Variants in MLH3 observed in about 807,000 individuals in gnomAD.
The protein encoded by MLH3 is mutL homolog 3, also known as DNA mismatch repair protein Mlh3.
MLH3 carries 82 observed loss-of-function variants against 122.2 expected under a neutral mutation model. That is an observed-to-expected ratio of 0.67 (90% CI 0.56 to 0.81). The LOEUF (loss-of-function observed/expected upper bound fraction) is 0.81. Ranked by LOEUF, MLH3 falls within the 30% of genes least tolerant of loss-of-function variation. The pLI is 0.00. For synonymous variants in MLH3, 524 were observed against 599.5 expected (o/e 0.87, Z 1.84); for missense variants, 1,539 against 1,714.5 (o/e 0.90, Z 1.81).
chr14:75,039,767 CA>C, intron 5 of MLH3, 143 bp downstream of exon 5: 2 of 238,586 alleles, frequency 8.4e-6, no homozygotes, highest in Non-Finnish European at 1.5e-5. Context: ...AGAACACACA[CA>C]CACACACACA....
In MLH3 at chr14:75,015,104, TTAA is replaced by T. The variant is rs1248137335; in HGVS notation, c.*1975_*1977del. Reference sequence around the variant, plus strand: ...TAAACCTTAAAGCACAATATAGGTATTAATGATTACTATTATAAATTACATGTA... The same window carrying T: ...TAAACCTTAAAGCACAATATAGGTATTGATTACTATTATAAATTACATGTA... On this transcript the variant is annotated 3_prime_UTR_variant, in exon 13 of 13. Transcript: ENST00000355774. The T allele has an allele frequency of 5.7e-6, 1 of 174,592 alleles. No individual in the cohort carries two copies. The highest frequency in any genetic ancestry group is 1.2e-5 in the Non-Finnish European group (1 of 80,814). The allele number at this position is 174,592 out of a possible 1,614,324, so 10.8% of individuals were successfully genotyped here.
chr14:75,041,741 A>C, intron 3 of MLH3, 41 bp from the exon 4 acceptor site: 1 of 1,437,594 alleles, frequency 7.0e-7, no homozygotes, highest in Non-Finnish European at 9.8e-7. Context: ...ATCCAGAACC[A>C]CAGGGAAAGG....
Position 75,030,589 on chromosome 14 carries a change from T to A in MLH3, c.3941A>T (p.Asn1314Ile). 1 of 1,614,152 alleles carries A rather than the reference T, an allele frequency of 6.2e-7. No homozygotes were observed. Among genetic ancestry groups the A allele is most frequent in the Non-Finnish European group, 8.5e-7 (1 of 1,179,992 alleles). Residue 1314 changes from asparagine to isoleucine, a missense_variant, in exon 9 of 13, where the codon AAT becomes ATT. Transcript: ENST00000355774. Reference protein sequence around the residue: ...VPLCFVEREANELRRGRSTVT... With the variant: ...VPLCFVEREAIELRRGRSTVT... ...AGTAGATCTTCCTCTCCGAAGTTCA[T>A]TGGCTTCTCTTTCCACAAAACATAG... is the stretch of plus-strand genomic sequence containing the variant.
At chr14:75,025,986 T>C (rs558008092) in intron 9 of MLH3, among the ~76,000 whole-genome samples, 1 of 152,294 alleles carries the variant, frequency 6.6e-6, no homozygotes, top group African/African-American at 2.4e-5. Context: ...TCCCAAATTC[T>C]GTCTCAGATA....
Position 75,046,825 on chromosome 14 carries a change from T to A in MLH3, c.2831A>T (p.Asp944Val). The A allele has an allele frequency of 6.2e-7, 1 of 1,614,156 alleles. No individual in the cohort carries two copies. Among genetic ancestry groups the A allele is most frequent in the Non-Finnish European group, 8.5e-7 (1 of 1,180,024 alleles). Residue 944 changes from aspartate (D) to valine (V), a missense_variant, in exon 2 of 13, where the codon GAT becomes GTT. By Grantham distance (152) the Asp-to-Val change is radical. Transcript: ENST00000355774. ...VIPTSDSATQ[D>V]NSFNKNSKTH... ...TTTACTATTTTTATTAAAGGAATTA[T>A]CCTGTGTGGCAGAATCTGATGTTGG...
Position 75,048,196 on chromosome 14 carries a change from T to C in MLH3, c.1460A>G (p.His487Arg), listed in dbSNP as rs372854695. Residue 487 changes from histidine to arginine, a missense_variant, in exon 2 of 13, where the codon CAT becomes CGT. Physicochemically the swap from His to Arg is conservative, Grantham distance 29 (BLOSUM62 0). Transcript: ENST00000355774. ...VASEAGENEK[H>R]KKSFLEHSSL... The stretch of plus-strand genomic sequence containing the variant: ...GCTATGTTCCAGGAAAGATTTTTTA[T>C]GTTTCTCATTTTCTCCAGCTTCTGA... 6.2e-7 allele frequency: 1 copy of C among 1,613,622 alleles called. No homozygotes were observed. The highest frequency in any genetic ancestry group is 1.3e-5 in the African/African-American group (1 of 74,876).
At chr14:75,044,859 T>C (rs538550240) in intron 2 of MLH3, among the ~76,000 whole-genome samples, 53 of 152,336 alleles carry the variant, frequency 3.5e-4, no homozygotes, top group Non-Finnish European at 6.2e-4. Context: ...TAAATACGGA[T>C]ACAGATGTAA....
Position 75,047,064 on chromosome 14 carries a change from C to A in MLH3, c.2592G>T (p.Leu864Phe), listed in dbSNP as rs1555345136. The change falls in exon 2 of 13, where the codon TTG (leucine) becomes TTT (phenylalanine). Residue 864 changes from leucine (L) to phenylalanine (F), a missense_variant. Coordinates refer to ENST00000355774, the MANE Select transcript of MLH3 (RefSeq NM_001040108.2). ...GTGATTCAGATGACTTCTCAAGGTCCAAAGGTTTTCTATTAAAGAGAGATA... is the reference window on the plus strand; with the variant it reads ...GTGATTCAGATGACTTCTCAAGGTCAAAAGGTTTTCTATTAAAGAGAGATA... ...KELSLFNRKP[L>F]DLEKSSESLA... The A allele has an allele frequency of 1.2e-6, 2 of 1,613,972 alleles. No individual in the cohort carries two copies. The highest frequency in any genetic ancestry group is 1.7e-6 in the Non-Finnish European group (2 of 1,179,994).
intron 6 of MLH3, among the ~76,000 whole-genome samples, chr14:75,035,350 C>A (rs150556010): frequency 2.0e-5 from 3 of 151,798 alleles, no homozygotes; most frequent in African/African-American, 7.2e-5. Flanking sequence ...GGAGAAACCC[C>A]GTCTCTACTA....
chr14:75,035,292 C>T lies in MLH3; in HGVS notation c.3644-1802G>A, dbSNP rs560284399. ...ATCCCAGCACTTTGGGAGGCCAAGG[C>T]GGGCGGATCACCTGAGATCAGGAGT... On this transcript the variant is annotated intron_variant, in intron 6 of 12. Transcript: ENST00000355774. Among the ~76,000 whole-genome samples the T allele has an allele frequency of 1.1e-3, 170 of 151,954 alleles. 1 individual carries two copies. The highest frequency in any genetic ancestry group is 2.4e-3 in the African/African-American group (101 of 41,460).
rs1360846783 is a variant in MLH3 at position 75,047,385 on chromosome 14, A to C, written c.2271T>G (p.Phe757Leu). ...TTTCAACCTTCCCATATTGCCTCTT[A>C]AACTTCTCTAAAGATCCTAGCTGTG... ...LSSQLGSLEK[F>L]KRQYGKVENP... The change falls in exon 2 of 13, where the codon TTT becomes TTG. Residue 757 changes from phenylalanine (F) to leucine (L), a missense_variant. Phe to Leu is a conservative substitution (Grantham distance 22). Coordinates refer to ENST00000355774, the MANE Select transcript of MLH3 (RefSeq NM_001040108.2). 6.2e-7 allele frequency: 1 copy of C among 1,613,984 alleles called. No homozygotes were observed. The highest frequency in any genetic ancestry group is 1.7e-5 in the Admixed American group (1 of 59,996).
chr14:75,032,417 C>T (rs1029986084), intron 7 of MLH3, among the ~76,000 whole-genome samples: 9 of 152,160 alleles, frequency 5.9e-5, no homozygotes, highest in Non-Finnish European at 1.2e-4. Context: ...TTCAGATGAA[C>T]AAGCCAATGT....
In MLH3 at chr14:75,016,834, A is replaced by G. The variant is rs1595018195; in HGVS notation, c.*248T>C. On this transcript the variant is annotated 3_prime_UTR_variant, in exon 13 of 13. Coordinates refer to ENST00000355774, the MANE Select transcript of MLH3 (RefSeq NM_001040108.2). The stretch of plus-strand genomic sequence containing the variant: ...AAATAAGTAGCAAAAGGTAGATACT[A>G]TATAGCAACCTTCTGTGCCCATGGA... 1 of 494,154 alleles carries G rather than the reference A, an allele frequency of 2.0e-6. No individual in the cohort carries two copies. Among genetic ancestry groups the G allele is most frequent in the East Asian group, 3.7e-5 (1 of 27,070 alleles). The allele number at this position is 494,154 out of a possible 1,614,324, so 30.6% of individuals were successfully genotyped here.
At chr14:75,032,211 A>G (rs1166078927) in intron 7 of MLH3, 32 bp from the exon 8 acceptor site, 1 of 1,241,764 alleles carries the variant, frequency 8.1e-7, no homozygotes, top group Admixed American at 1.7e-5. Flanking sequence ...GGTTAAGAGT[A>G]GGAAGGGAAG....
intron 2 of MLH3, among the ~76,000 whole-genome samples, chr14:75,045,829 C>T (rs1312048009): frequency 6.6e-6 from 1 of 151,936 alleles, no homozygotes; most frequent in African/African-American, 2.4e-5. Context: ...ATACACACAC[C>T]CATAGACACA....
chr14:75,051,441 T>C lies in MLH3; in HGVS notation c.-125A>G, dbSNP rs980041086. On this transcript the variant is annotated 5_prime_UTR_variant, in exon 1 of 13. Coordinates refer to ENST00000355774, the MANE Select transcript of MLH3 (RefSeq NM_001040108.2). ...GCCTCGGACGCCGACGCGCGCACCT[T>C]GGATCTTGAGGCTCGTGCGTGCCCA... The C allele has an allele frequency of 2.6e-5, 4 of 152,204 alleles. No individual in the cohort carries two copies. The highest frequency in any genetic ancestry group is 4.4e-5 in the Non-Finnish European group (3 of 68,028). 9.4% of individuals were successfully genotyped at this position (152,204 alleles called of 1,614,324 possible). A position where few individuals can be genotyped will look rare whatever the true frequency, so the allele number is the denominator to read the frequency against.
intron 6 of MLH3, among the ~76,000 whole-genome samples, 175 bp downstream of exon 6, chr14:75,038,165 T>A (rs143206066): frequency 6.6e-6 from 1 of 152,156 alleles, no homozygotes; most frequent in African/African-American, 2.4e-5. Context: ...TCCCAAAGTG[T>A]TGGGATTACA....
At chr14:75,036,619 C>T in intron 6 of MLH3, 1 of 455,792 alleles carries the variant, frequency 2.2e-6, no homozygotes, top group Non-Finnish European at 4.4e-6. Context: ...GCTGGGATTA[C>T]AGGCGTGAGC....
chr14:75,020,449 A>G (rs1272641149), intron 11 of MLH3, among the ~76,000 whole-genome samples: 1 of 152,216 alleles, frequency 6.6e-6, no homozygotes, highest in Admixed American at 6.5e-5. Flanking sequence ...AACAGTGGCA[A>G]AAATGAGGGA....
Sources: allele counts gnomAD v4.1 joint callset (sites outside exome capture counted in the v4.1 genomes callset), GRCh38; gene constraint gnomAD v4.1.1; transcripts MANE v1.5; gene names NCBI Gene and HGNC (gene_info 2026-07-23, HGNC 2026-07-21).